Variants in COL24A1 observed in about 807,000 individuals in gnomAD.
The protein encoded by COL24A1 is collagen alpha-1(XXIV) chain.
In COL24A1, 224 loss-of-function variants were observed where a neutral mutation model predicts 253.9. That is an observed-to-expected ratio of 0.88 (90% confidence interval 0.79 to 0.99). COL24A1 has a LOEUF of 0.99. COL24A1 is among the 50% of genes least tolerant of loss of function. The pLI, the probability that COL24A1 is intolerant of heterozygous loss-of-function variation, is 0.00. For missense variants in COL24A1, 2,131 were observed against 2,068.5 expected (o/e 1.03, Z -0.59); for synonymous variants, 685 against 673.7 (o/e 1.02, Z -0.26).
intron 43 of COL24A1, 46 bp from the exon 44 acceptor site, chr1:85,823,784 G>T: frequency 6.5e-7 from 1 of 1,542,540 alleles, no homozygotes; most frequent in Non-Finnish European, 8.9e-7. Context: ...AGAGACATGT[G>T]ACTTAAGAGA....
chr1:85,829,724 A>C (rs921465065), intron 43 of COL24A1, among the ~76,000 whole-genome samples: 2 of 151,958 alleles, frequency 1.3e-5, no homozygotes, highest in Non-Finnish European at 2.9e-5. Flanking sequence ...TGGCCTCCTG[A>C]GGCTTCTGCA....
rs557137191 is a variant in COL24A1, at chr1:85,761,600, T to C, written c.4375-34A>G. On this transcript the variant is annotated intron_variant, in intron 53 of 59. Coordinates refer to ENST00000370571, the MANE Select transcript of COL24A1 (RefSeq NM_152890.7). ...AATGGAGACAAACACAAGACCTATA[T>C]ATTATACTTTTGGTTGGGTATAAGC... The C allele has an allele frequency of 8.7e-6, 14 of 1,611,666 alleles. No individual in the cohort carries two copies. The South Asian group carries it at 1.4e-4, about 16-fold the overall frequency.
intron 47 of COL24A1, among the ~76,000 whole-genome samples, chr1:85,801,971 T>A (rs937922211): frequency 2.0e-5 from 3 of 152,096 alleles, no homozygotes; most frequent in Non-Finnish European, 4.4e-5. Context: ...TGTCTCCCAA[T>A]CAAATATCAA....
intron 2 of COL24A1, among the ~76,000 whole-genome samples, chr1:86,131,757 A>G (rs1003792378): frequency 6.6e-6 from 1 of 152,026 alleles, no homozygotes; most frequent in African/African-American, 2.4e-5. Context: ...AATCCAGTCT[A>G]TCATTGTTGA....
intron 43 of COL24A1, 114 bp from the exon 44 acceptor site, chr1:85,823,852 G>A (rs1673919871): frequency 7.8e-6 from 7 of 894,382 alleles, no homozygotes; most frequent in African/African-American, 1.7e-5. Flanking sequence ...CTTAAATGTC[G>A]TAGAGATTAT....
intron 53 of COL24A1, among the ~76,000 whole-genome samples, chr1:85,764,491 C>T (rs905531388): frequency 6.7e-6 from 1 of 149,136 alleles, no homozygotes; most frequent in Admixed American, 7.0e-5. Context: ...CACACACACA[C>T]ACACACACAC....
At chr1:85,965,138 T>C (rs1043133935) in intron 22 of COL24A1, 76 bp from the exon 23 acceptor site, 2 of 1,127,408 alleles carry the variant, frequency 1.8e-6, no homozygotes, top group South Asian at 3.0e-5. Context: ...CTAAGATATA[T>C]GAAATTTAGA....
chr1:85,781,936 C>T (rs1316985574), intron 51 of COL24A1, among the ~76,000 whole-genome samples: 2 of 152,146 alleles, frequency 1.3e-5, no homozygotes, highest in Non-Finnish European at 2.9e-5. Flanking sequence ...ATACAAAATG[C>T]CCATTTTAGT....
chr1:85,775,829 A>C, intron 52 of COL24A1, 120 bp from the exon 53 acceptor site: 1 of 736,554 alleles, frequency 1.4e-6, no homozygotes, highest in East Asian at 2.6e-5. Context: ...ATATAGTAAG[A>C]CCTGTTTTGT....
chr1:85,924,708 A>T (rs562766147), intron 24 of COL24A1, among the ~76,000 whole-genome samples: 1 of 152,330 alleles, frequency 6.6e-6, no homozygotes, highest in East Asian at 1.9e-4. Context: ...ACCCGCAGCC[A>T]ATATCATACT....
chr1:85,874,165 T>C (rs921655797), intron 35 of COL24A1, among the ~76,000 whole-genome samples: 45 of 152,202 alleles, frequency 3.0e-4, no homozygotes, highest in African/African-American at 9.6e-4. Context: ...ATAAAGGCTG[T>C]CTATATTAGC....
intron 53 of COL24A1, among the ~76,000 whole-genome samples, chr1:85,772,778 C>A (rs532757999): frequency 6.6e-6 from 1 of 152,242 alleles, no homozygotes; most frequent in Admixed American, 6.5e-5. Context: ...AGCCCTTTGT[C>A]AGATGGATAG....
chr1:86,045,729 T>C (rs1378725983), intron 12 of COL24A1: 2 of 330,760 alleles, frequency 6.0e-6, no homozygotes, highest in Non-Finnish European at 1.2e-5. Flanking sequence ...CTACGTTCAA[T>C]GTAAATGCAG....
chr1:85,921,089 G>C (rs942214877), intron 24 of COL24A1, among the ~76,000 whole-genome samples: 1 of 152,180 alleles, frequency 6.6e-6, no homozygotes, highest in African/African-American at 2.4e-5. Flanking sequence ...TGGTTGGACA[G>C]TGGGTGCAGC....
At chr1:86,141,733 C>T (rs1483013551) in intron 2 of COL24A1, among the ~76,000 whole-genome samples, 1 of 150,300 alleles carries the variant, frequency 6.7e-6, no homozygotes, top group Non-Finnish European at 1.5e-5. Context: ...CAGAGTCTCA[C>T]TCTGTCAGCC....
chr1:85,738,125 C>A (rs1158112549), intron 57 of COL24A1, among the ~76,000 whole-genome samples: 1 of 151,988 alleles, frequency 6.6e-6, no homozygotes, highest in African/African-American at 2.4e-5. Flanking sequence ...ATGTGCTCAG[C>A]AACTAAAAGT....
intron 5 of COL24A1, among the ~76,000 whole-genome samples, chr1:86,107,612 G>C (rs1478906695): frequency 6.6e-6 from 1 of 151,894 alleles, no homozygotes; most frequent in African/African-American, 2.4e-5. Context: ...TTGGCTCACT[G>C]TAAGCTCCGC....
chr1:86,126,202 A>G lies in COL24A1; in HGVS notation c.134T>C (p.Leu45Pro). 2 of 1,592,964 alleles carry G rather than the reference A, an allele frequency of 1.3e-6. No homozygotes were observed. The highest frequency in any genetic ancestry group is 2.2e-5 in the South Asian group (2 of 89,346). Residue 45 changes from leucine (L) to proline (P), a missense_variant, in exon 3 of 60, where the codon CTT becomes CCT. Leu to Pro is a moderately conservative substitution (Grantham distance 98, BLOSUM62 -3). Coordinates refer to ENST00000370571, the MANE Select transcript of COL24A1 (RefSeq NM_152890.7). The part of the protein sequence containing the change: ...VHAQEQGIDI[L>P]HQLGLGGKDV... ...TTTGCCTCCAAGGCCTAGTTGATGA[A>G]GAATATCTATGCCTGGAAATTTAAA...
At chr1:85,888,070 T>C (rs1682720681) in intron 32 of COL24A1, among the ~76,000 whole-genome samples, 1 of 152,066 alleles carries the variant, frequency 6.6e-6, no homozygotes, top group Non-Finnish European at 1.5e-5. Context: ...TATCATCAAC[T>C]CTTTAATACA....
Sources: allele counts gnomAD v4.1 joint callset (sites outside exome capture counted in the v4.1 genomes callset), GRCh38; gene constraint gnomAD v4.1.1; transcripts MANE v1.5; gene names NCBI Gene and HGNC (gene_info 2026-07-23, HGNC 2026-07-21).